The following MSRA variants were observed in gnomAD, a reference collection of about 807,000 sequenced individuals.
The protein encoded by MSRA is methionine sulfoxide reductase A, also known as mitochondrial peptide methionine sulfoxide reductase.
In MSRA, 54 loss-of-function variants were observed where a neutral mutation model predicts 31.3. The observed-to-expected ratio is 1.73, with a 90% CI of 1.39 to 2.17. The LOEUF (loss-of-function observed/expected upper bound fraction) is 2.17. Ranked by LOEUF, MSRA falls within the 30% of genes most tolerant of loss-of-function variation. MSRA has a pLI of 0.00. For synonymous variants in MSRA, 169 were observed against 116.5 expected (o/e 1.45, Z -2.90); for missense variants, 507 against 300.9 (o/e 1.69, Z -5.07).
intron 1 of MSRA, among the ~76,000 whole-genome samples, chr8:10,175,021 C>G (rs186503518): frequency 6.6e-6 from 1 of 152,156 alleles, no homozygotes; most frequent in Non-Finnish European, 1.5e-5. Context: ...CGTTCTCTGA[C>G]TCATCCGTCC....
intron 5 of MSRA, among the ~76,000 whole-genome samples, chr8:10,427,006 A>T (rs998701774): frequency 1.8e-5 from 1 of 54,144 alleles, no homozygotes; most frequent in Non-Finnish European, 4.0e-5. Flanking sequence ...GGCGAAACAG[A>T]GATGCAGGAA....
chr8:10,283,178 G>C (rs796116629), intron 3 of MSRA, among the ~76,000 whole-genome samples: 19 of 77,562 alleles, frequency 2.4e-4, no homozygotes, highest in African/African-American at 1.0e-3. Context: ...CCTTCTCTTT[G>C]CTGGGGAAAG....
At chr8:10,114,607 G>T (rs754315920) in intron 1 of MSRA, among the ~76,000 whole-genome samples, 4 of 152,130 alleles carry the variant, frequency 2.6e-5, no homozygotes, top group Non-Finnish European at 5.9e-5. Flanking sequence ...TCCACAGTTG[G>T]GATTTTGCTA....
intron 5 of MSRA, among the ~76,000 whole-genome samples, chr8:10,390,832 T>A (rs563406305): frequency 3.0e-4 from 46 of 152,056 alleles, no homozygotes; most frequent in Non-Finnish European, 5.7e-4. Context: ...AAAAATTATC[T>A]GGGCGCGGTG....
intron 1 of MSRA, among the ~76,000 whole-genome samples, chr8:10,175,347 C>G (rs1344276222): frequency 6.6e-6 from 1 of 152,196 alleles, no homozygotes; most frequent in Non-Finnish European, 1.5e-5. Context: ...TTGGTCTTAT[C>G]TCCGCAATTG....
chr8:10,116,815 A>T (rs1014574081), intron 1 of MSRA, among the ~76,000 whole-genome samples: 3 of 152,130 alleles, frequency 2.0e-5, no homozygotes, highest in African/African-American at 7.2e-5. Flanking sequence ...TAAAAATACA[A>T]AAGTAGTCGG....
chr8:10,277,652 CAAAT>C (rs1563300083), intron 3 of MSRA, among the ~76,000 whole-genome samples: 4 of 152,272 alleles, frequency 2.6e-5, no homozygotes, highest in African/African-American at 9.6e-5. Context: ...CAAAGAGCCT[CAAAT>C]AACCCAATGT....
In MSRA at chr8:10,213,207, C is replaced by T. The variant is rs553357243; in HGVS notation, c.211+5306C>T. ...CCTGTACCCCTACTACCTACCCTTC[C>T]CAGCCTTTGGTAACCATCATTCTAC... On this transcript the variant is annotated intron_variant, in intron 2 of 5. Coordinates refer to ENST00000317173, the MANE Select transcript of MSRA (RefSeq NM_012331.5). Among the ~76,000 whole-genome samples, 14 of 152,212 alleles carry T rather than the reference C, an allele frequency of 9.2e-5. No individual in the cohort carries two copies. In the East Asian group the frequency reaches 2.3e-3, roughly 25 times the overall value.
intron 5 of MSRA, among the ~76,000 whole-genome samples, chr8:10,323,558 C>A (rs1411021179): frequency 6.6e-6 from 1 of 152,084 alleles, no homozygotes; most frequent in Non-Finnish European, 1.5e-5. Context: ...TTGAGGGGAA[C>A]CCACGTTGAT....
At chr8:10,264,132 G>T (rs1798621473) in intron 3 of MSRA, among the ~76,000 whole-genome samples, 1 of 152,164 alleles carries the variant, frequency 6.6e-6, no homozygotes, top group South Asian at 2.1e-4. Context: ...CCAAAGCTTT[G>T]ACTAGAGACC....
At chr8:10,210,343 T>A (rs1223905027) in intron 2 of MSRA, among the ~76,000 whole-genome samples, 1 of 152,240 alleles carries the variant, frequency 6.6e-6, no homozygotes, top group Non-Finnish European at 1.5e-5. Flanking sequence ...TGATGTTCCC[T>A]GACTCTCTCT....
chr8:10,214,879 G>A (rs1261269997), intron 2 of MSRA, among the ~76,000 whole-genome samples: 1 of 152,222 alleles, frequency 6.6e-6, no homozygotes, highest in Non-Finnish European at 1.5e-5. Context: ...CTTCTTGAGT[G>A]TAGAGAAGTC....
At position 10,170,855 on chromosome 8, in the gene MSRA, A is replaced by G. The variant is rs376809900; in HGVS notation, c.143-36978A>G. On this transcript the variant is annotated intron_variant, in intron 1 of 5. Transcript: ENST00000317173. ...TCAGCCCAAGTTGGCTAAGACATAG[A>G]TGATCATGTCTTCTGCGAATAATGA... Among the ~76,000 whole-genome samples, 7 of 152,348 alleles carry G rather than the reference A, an allele frequency of 4.6e-5. No homozygotes were observed. In the East Asian group the frequency reaches 1.4e-3, roughly 29 times the overall value.
At chr8:10,408,727 C>T (rs1256311322) in intron 5 of MSRA, among the ~76,000 whole-genome samples, 1 of 151,358 alleles carries the variant, frequency 6.6e-6, no homozygotes, top group African/African-American at 2.4e-5. Flanking sequence ...TTTCTCATCC[C>T]TCACTCCCCC....
chr8:10,158,121 T>C (rs1292962870), intron 1 of MSRA, among the ~76,000 whole-genome samples: 1 of 152,192 alleles, frequency 6.6e-6, no homozygotes, highest in Non-Finnish European at 1.5e-5. Flanking sequence ...GCCTCTTTTA[T>C]AAGGGCACTA....
chr8:10,080,651 T>C (rs760261065), intron 1 of MSRA, among the ~76,000 whole-genome samples: 1 of 151,856 alleles, frequency 6.6e-6, no homozygotes, highest in African/African-American at 2.4e-5. Context: ...TCAGCCTCCT[T>C]AGTGGCTGGG....
intron 1 of MSRA, among the ~76,000 whole-genome samples, chr8:10,102,303 C>T (rs1237265746): frequency 2.0e-5 from 3 of 152,266 alleles, no homozygotes; most frequent in South Asian, 2.1e-4. Flanking sequence ...TCTACCAGTG[C>T]TTGATACTGA....
At chr8:10,327,226 C>T (rs1478977787) in intron 5 of MSRA, among the ~76,000 whole-genome samples, 2 of 152,208 alleles carry the variant, frequency 1.3e-5, no homozygotes, top group Non-Finnish European at 2.9e-5. Flanking sequence ...AAGGCTGTAT[C>T]TATCCGTCTC....
intron 1 of MSRA, among the ~76,000 whole-genome samples, chr8:10,091,824 C>G (rs900419914): frequency 1.3e-5 from 2 of 152,078 alleles, no homozygotes; most frequent in Non-Finnish European, 1.5e-5. Flanking sequence ...CCAGGCTGGT[C>G]TCGAACTCTT....
Sources: gnomAD v4.1 joint callset for allele counts (sites outside exome capture counted in the v4.1 genomes callset) on GRCh38, gnomAD v4.1.1 for gene constraint, MANE v1.5 for transcripts, NCBI Gene and HGNC (gene_info 2026-07-23, HGNC 2026-07-21) for gene names.